Variants in PKDREJ observed in about 807,000 individuals in gnomAD.
The protein encoded by PKDREJ is polycystin family receptor for egg jelly.
For missense variants in PKDREJ, 2,507 were observed against 2,807.2 expected (o/e 0.89, Z 2.42); for synonymous variants, 1,031 against 1,095.5 (o/e 0.94, Z 1.16).
chr22:46,263,086 G>A lies in PKDREJ; in HGVS notation c.237C>T (p.Phe79=). Residue 79 remains phenylalanine (F), a synonymous_variant, in exon 1 of 1, where the codon TTC becomes TTT. Transcript: ENST00000253255. The surrounding 1 kb of genome is among the most constrained non-coding windows in gnomAD (Gnocchi z 9.4). ...AGCGCCGCCCGGTCCCGCCATGGGG[G>A]AAGCAGAGGCTGCCGCGGCCGCTCA... is the stretch of plus-strand genomic sequence containing the variant. The part of the protein sequence containing the change: ...AVLSGRGSLC[F]PHGGTGRRWY... The A allele has an allele frequency of 7.6e-7, 1 of 1,318,874 alleles. No individual in the cohort carries two copies. The highest frequency in any genetic ancestry group is 9.8e-7 in the Non-Finnish European group (1 of 1,024,058). 81.7% of individuals were successfully genotyped at this position (1,318,874 alleles called of 1,614,324 possible). A position where few individuals can be genotyped will look rare whatever the true frequency, so the allele number is the denominator to read the frequency against.
chr22:46,260,082 GAAC>G lies in PKDREJ; in HGVS notation c.3238_3240del (p.Val1080del). On this transcript the variant is annotated inframe_deletion, in exon 1 of 1. Coordinates refer to ENST00000253255, the MANE Select transcript of PKDREJ (RefSeq NM_006071.2). This position sits in a 1 kb window ranked among gnomAD's most constrained non-coding sequence, Gnocchi z 4.5. ...TTCATGACAAAACGAGGTGCCTGCA[GAAC>G]TATGGATACAGTACAGTGGGGAGAG... The G allele has an allele frequency of 6.2e-7, 1 of 1,614,064 alleles. No individual in the cohort carries two copies. Among genetic ancestry groups the G allele is most frequent in the East Asian group, 2.2e-5 (1 of 44,884 alleles).
Position 46,263,051 on chromosome 22 carries a change from A to T in PKDREJ, c.272T>A (p.Leu91His). The change falls in exon 1 of 1, where the codon CTC (leucine) becomes CAC (histidine). Residue 91 changes from leucine to histidine, a missense_variant. Transcript: ENST00000253255. This position sits in a 1 kb window ranked among gnomAD's most constrained non-coding sequence, Gnocchi z 9.4. ...HGGTGRRWYC[L>H]DLRVLLSAQR... is the part of the protein sequence containing the mutation. Reference sequence around the variant, plus strand: ...GGCGCTGAGCAGGACGCGCAAGTCGAGGCAGTACCAGCGCCGCCCGGTCCC... The same window carrying T: ...GGCGCTGAGCAGGACGCGCAAGTCGTGGCAGTACCAGCGCCGCCCGGTCCC... 2 of 1,335,548 alleles carry T rather than the reference A, an allele frequency of 1.5e-6. No individual in the cohort carries two copies. The highest frequency in any genetic ancestry group is 1.9e-6 in the Non-Finnish European group (2 of 1,032,492). The allele number at this position is 1,335,548 out of a possible 1,614,324, so 82.7% of individuals were successfully genotyped here.
rs552761319 is a variant in PKDREJ at position 46,260,423 on chromosome 22, G to T, written c.2900C>A (p.Thr967Lys). 1 of 1,614,166 alleles carries T rather than the reference G, an allele frequency of 6.2e-7. No individual in the cohort carries two copies. ...ATCAACCTCGCTGTTGGGTCCCACT[G>T]TGAGATTAAAAGCTGCAAAGGTCAA... Reference protein sequence around the residue: ...KNLTFAAFNLTVGPNSEVDGS... With the variant: ...KNLTFAAFNLKVGPNSEVDGS... Residue 967 changes from threonine (T) to lysine (K), a missense_variant, in exon 1 of 1, where the codon ACA becomes AAA. Thr to Lys is a moderately conservative substitution (Grantham distance 78). Transcript: ENST00000253255. The surrounding 1 kb of genome is among the most constrained non-coding windows in gnomAD (Gnocchi z 4.5).
In PKDREJ at chr22:46,262,062, C is replaced by G. The variant is rs752284311; in HGVS notation, c.1261G>C (p.Glu421Gln). ...ASGPVLTLLPETLKGDHVYFF... is the reference protein window; with the variant it reads ...ASGPVLTLLPQTLKGDHVYFF... ...TACACGTGGTCGCCTTTAAGTGTTT[C>G]TGGCAAAAGTGTCAGTACAGGGCCC... The change falls in exon 1 of 1, where the codon GAA (glutamate) becomes CAA (glutamine). Residue 421 changes from glutamate to glutamine, a missense_variant. By Grantham distance (29) the Glu-to-Gln change is conservative. Coordinates refer to ENST00000253255, the MANE Select transcript of PKDREJ (RefSeq NM_006071.2). This position sits in a 1 kb window ranked among gnomAD's most constrained non-coding sequence, Gnocchi z 8.1. The G allele has an allele frequency of 3.1e-6, 5 of 1,614,114 alleles. No homozygotes were observed. The highest frequency in any genetic ancestry group is 4.2e-6 in the Non-Finnish European group (5 of 1,180,030).
Position 46,261,173 on chromosome 22 carries a change from A to C in PKDREJ, c.2150T>G (p.Leu717Trp). 1 of 1,614,190 alleles carries C rather than the reference A, an allele frequency of 6.2e-7. No homozygotes were observed. The highest frequency in any genetic ancestry group is 8.5e-7 in the Non-Finnish European group (1 of 1,180,036). ...GYLLYIVASV[L>W]NNMKTELPLR... ...AGGTAATTCAGTTTTCATGTTATTC[A>C]AAACGGAAGCTACTATATACAGTAA... The change falls in exon 1 of 1, where the codon TTG becomes TGG. Residue 717 changes from leucine to tryptophan, a missense_variant. Leu to Trp is a moderately conservative substitution (Grantham distance 61, BLOSUM62 -2). Transcript: ENST00000253255. The surrounding 1 kb of genome is among the most constrained non-coding windows in gnomAD (Gnocchi z 7.1).
rs1243590347 is a variant in PKDREJ, at chr22:46,262,264, C to G, written c.1059G>C (p.Gln353His). Reference protein sequence around the residue: ...DANITANFTEQLILDGSTSSD... With the variant: ...DANITANFTEHLILDGSTSSD... ...AGGACGTGGACCCGTCCAGAATCAG[C>G]TGCTCTGTGAAATTAGCTGTTATGT... The change falls in exon 1 of 1, where the codon CAG becomes CAC. Residue 353 changes from glutamine to histidine, a missense_variant. By Grantham distance (24) the Gln-to-His change is conservative (BLOSUM62 0). Transcript: ENST00000253255. The surrounding 1 kb of genome is among the most constrained non-coding windows in gnomAD (Gnocchi z 8.1). 3.1e-6 allele frequency: 5 copies of G among 1,614,226 alleles called. No individual in the cohort carries two copies. The East Asian group carries it at 8.9e-5, about 29-fold the overall frequency.
Position 46,259,322 on chromosome 22 carries a change from G to C in PKDREJ, c.4001C>G (p.Ser1334Cys), listed in dbSNP as rs1362355223. 2 of 1,614,088 alleles carry C rather than the reference G, an allele frequency of 1.2e-6. No individual in the cohort carries two copies. The highest frequency in any genetic ancestry group is 1.7e-6 in the Non-Finnish European group (2 of 1,180,040). The change falls in exon 1 of 1, where the codon TCT (serine) becomes TGT (cysteine). Residue 1334 changes from serine (S) to cysteine (C), a missense_variant. Coordinates refer to ENST00000253255, the MANE Select transcript of PKDREJ (RefSeq NM_006071.2). This position sits in a 1 kb window ranked among gnomAD's most constrained non-coding sequence, Gnocchi z 6.8. ...IWLFICQKWLSVDTTLDRTFH... is the reference protein window; with the variant it reads ...IWLFICQKWLCVDTTLDRTFH... ...TGTTCTGTCCAAAGTGGTATCAACA[G>C]AAAGCCATTTCTGGCATATGAACAG...
Position 46,258,392 on chromosome 22 carries a change from C to T in PKDREJ, c.4931G>A (p.Cys1644Tyr), listed in dbSNP as rs1322807499. 6.2e-7 allele frequency: 1 copy of T among 1,614,060 alleles called. No individual in the cohort carries two copies. The highest frequency in any genetic ancestry group is 8.5e-7 in the Non-Finnish European group (1 of 1,180,022). ...SGFRTNKPKYCKNLSWSTKYK... is the reference protein window; with the variant it reads ...SGFRTNKPKYYKNLSWSTKYK... ...CTTGGTTGACCATGAAAGGTTTTTGCAATACTTGGGTTTATTCGTTCTGAA... is the reference window on the plus strand; with the variant it reads ...CTTGGTTGACCATGAAAGGTTTTTGTAATACTTGGGTTTATTCGTTCTGAA... Residue 1644 changes from cysteine (C) to tyrosine (Y), a missense_variant, in exon 1 of 1, where the codon TGC becomes TAC. Cys to Tyr is a radical substitution (Grantham distance 194). Transcript: ENST00000253255. This position sits in a 1 kb window ranked among gnomAD's most constrained non-coding sequence, Gnocchi z 6.1.
In PKDREJ at chr22:46,258,819, A is replaced by G. The variant is rs779600772; in HGVS notation, c.4504T>C (p.Ser1502Pro). Residue 1502 changes from serine to proline, a missense_variant, in exon 1 of 1, where the codon TCT (serine) becomes CCT (proline). Ser to Pro is a moderately conservative substitution (Grantham distance 74). Transcript: ENST00000253255. The surrounding 1 kb of genome is among the most constrained non-coding windows in gnomAD (Gnocchi z 6.1). ...TTTGGAAGCCTGGGCTTTCCTTTAG[A>G]TGCAGGTTTTGCAACCTCCCTGGGG... is the stretch of plus-strand genomic sequence containing the variant. ...VHPREVAKPA[S>P]KGKPRLPKAS... 6.2e-7 allele frequency: 1 copy of G among 1,614,140 alleles called. No homozygotes were observed. The highest frequency in any genetic ancestry group is 8.5e-7 in the Non-Finnish European group (1 of 1,180,022).
rs1456384922 is a variant in PKDREJ, at chr22:46,261,891, A to G, written c.1432T>C (p.Leu478=). The change falls in exon 1 of 1, where the codon TTG becomes CTG. Residue 478 remains leucine (L), a synonymous_variant. Transcript: ENST00000253255. The surrounding 1 kb of genome is among the most constrained non-coding windows in gnomAD (Gnocchi z 7.1). ...GCACAATTTGTGCAATTTAGGAACA[A>G]AGAAAATCTATCAGAGACAATGAAG... ...RNFIVSDRFS[L]FLNCTNCASR... The G allele has an allele frequency of 6.2e-7, 1 of 1,613,996 alleles. No individual in the cohort carries two copies. The highest frequency in any genetic ancestry group is 2.2e-5 in the East Asian group (1 of 44,896).
chr22:46,260,607 T>C lies in PKDREJ; in HGVS notation c.2716A>G (p.Met906Val), dbSNP rs763497852. ...GLSANGPIST[M>V]FCDFTNDLFP... ...AGGTCATTTGTGAAATCACAAAACA[T>C]TGTAGAAATGGGACCATTTGCAGAC... Residue 906 changes from methionine (M) to valine (V), a missense_variant, in exon 1 of 1, where the codon ATG becomes GTG. Physicochemically the swap from Met to Val is conservative, Grantham distance 21. Transcript: ENST00000253255. The surrounding 1 kb of genome is among the most constrained non-coding windows in gnomAD (Gnocchi z 4.5). 7 of 1,614,184 alleles carry C rather than the reference T, an allele frequency of 4.3e-6. No homozygotes were observed. The highest frequency in any genetic ancestry group is 2.2e-5 in the East Asian group (1 of 44,888).
Position 46,262,978 on chromosome 22 carries a change from C to A in PKDREJ, c.345G>T (p.Leu115=). The A allele has an allele frequency of 8.4e-7, 1 of 1,193,038 alleles. No individual in the cohort carries two copies. Among genetic ancestry groups the A allele is most frequent in the South Asian group, 2.4e-5 (1 of 42,126 alleles). 73.9% of individuals were successfully genotyped at this position (1,193,038 alleles called of 1,614,324 possible). A position where few individuals can be genotyped will look rare whatever the true frequency, so the allele number is the denominator to read the frequency against. ...GGCGGCCGCCGCGCGCGGAGAGCTG[C>A]AGGTCGACGAGCGCGAGCGCGGGCG... ...PAAPALALVD[L]QLSARGGRLS... is the part of the protein sequence containing the mutation. The change falls in exon 1 of 1, where the codon CTG becomes CTT. Residue 115 remains leucine (L), a synonymous_variant. Transcript: ENST00000253255. The surrounding 1 kb of genome is among the most constrained non-coding windows in gnomAD (Gnocchi z 8.1).
At position 46,257,171 on chromosome 22, in the gene PKDREJ, C is replaced by T. The variant is rs776058230; in HGVS notation, c.6152G>A (p.Arg2051Lys). The T allele has an allele frequency of 1.7e-5, 28 of 1,613,824 alleles. No homozygotes were observed. The highest frequency in any genetic ancestry group is 3.3e-5 in the Admixed American group (2 of 60,008). ...AAATAACAGGAAACCCAAAATTATC[C>T]TCATAATGTGATCTACCTGAGAAAC... ...HAVSQVDHIMRIILGFLLFLT... is the reference protein window; with the variant it reads ...HAVSQVDHIMKIILGFLLFLT... Residue 2051 changes from arginine (R) to lysine (K), a missense_variant, in exon 1 of 1, where the codon AGG becomes AAG. By Grantham distance (26) the Arg-to-Lys change is conservative. Transcript: ENST00000253255. The surrounding 1 kb of genome is among the most constrained non-coding windows in gnomAD (Gnocchi z 4.7).
chr22:46,257,068 G>T lies in PKDREJ; in HGVS notation c.6255C>A (p.Ala2085=), dbSNP rs1283395372. 6.2e-7 allele frequency: 1 copy of T among 1,613,922 alleles called. No individual in the cohort carries two copies. Among genetic ancestry groups the T allele is most frequent in the Admixed American group, 1.7e-5 (1 of 60,026 alleles). The change falls in exon 1 of 1, where the codon GCC becomes GCA. Residue 2085 remains alanine (A), a synonymous_variant. Coordinates refer to ENST00000253255, the MANE Select transcript of PKDREJ (RefSeq NM_006071.2). The surrounding 1 kb of genome is among the most constrained non-coding windows in gnomAD (Gnocchi z 4.7). The part of the protein sequence containing the change: ...VRLAQRAIQA[A]LPGICHMAFV... ...ATGCCATGTGGCAGATGCCAGGGAGGGCAGCCTGGATGGCCCTCTGAGCCA... is the reference window on the plus strand; with the variant it reads ...ATGCCATGTGGCAGATGCCAGGGAGTGCAGCCTGGATGGCCCTCTGAGCCA...
At position 46,258,205 on chromosome 22, in the gene PKDREJ, T is replaced by G; in HGVS notation, c.5118A>C (p.Arg1706Ser). ...IFKRKKRIKR[R>S]ALLFLSYILT... The stretch of plus-strand genomic sequence containing the variant: ...GAATGTAACTCAGAAACAGGAGTGC[T>G]CTTCTCTTGATCCTCTTCTTTCTTT... Residue 1706 changes from arginine (R) to serine (S), a missense_variant, in exon 1 of 1, where the codon AGA becomes AGC. Physicochemically the swap from Arg to Ser is moderately radical, Grantham distance 110. Transcript: ENST00000253255. The surrounding 1 kb of genome is among the most constrained non-coding windows in gnomAD (Gnocchi z 6.1). The G allele has an allele frequency of 1.9e-6, 3 of 1,614,178 alleles. No individual in the cohort carries two copies. The highest frequency in any genetic ancestry group is 2.5e-6 in the Non-Finnish European group (3 of 1,179,996).
rs773848126 is a variant in PKDREJ at position 46,257,467 on chromosome 22, A to G, written c.5856T>C (p.Phe1952=). The change falls in exon 1 of 1, where the codon TTT becomes TTC. Residue 1952 remains phenylalanine (F), a synonymous_variant. Coordinates refer to ENST00000253255, the MANE Select transcript of PKDREJ (RefSeq NM_006071.2). The surrounding 1 kb of genome is among the most constrained non-coding windows in gnomAD (Gnocchi z 4.7). ...CTTTTCTGTCAAAATCAGCAAGTGA[A>G]AAAGAGTGCAGAGATATGCTTGTGT... ...VVNTSISLHS[F]SLADFDRKAS... The G allele has an allele frequency of 1.9e-6, 3 of 1,613,988 alleles. No homozygotes were observed. The highest frequency in any genetic ancestry group is 4.5e-5 in the East Asian group (2 of 44,896).
rs954614083 is a variant in PKDREJ, at chr22:46,258,646, C to G, written c.4677G>C (p.Lys1559Asn). ...DVHSEQHPSQKDLQQLKKKPR... is the reference protein window; with the variant it reads ...DVHSEQHPSQNDLQQLKKKPR... ...GCTTTTTCTTAAGCTGCTGGAGATC[C>G]TTTTGGGAAGGGTGCTGTTCGGAAT... Residue 1559 changes from lysine to asparagine, a missense_variant, in exon 1 of 1, where the codon AAG becomes AAC. Transcript: ENST00000253255. The surrounding 1 kb of genome is among the most constrained non-coding windows in gnomAD (Gnocchi z 6.1). The G allele has an allele frequency of 6.2e-7, 1 of 1,614,054 alleles. No homozygotes were observed. Among genetic ancestry groups the G allele is most frequent in the Non-Finnish European group, 8.5e-7 (1 of 1,180,040 alleles).
Position 46,263,041 on chromosome 22 carries a change from G to A in PKDREJ, c.282C>T (p.Arg94=). ...GCAGGCGTTGGGCGCTGAGCAGGACGCGCAAGTCGAGGCAGTACCAGCGCC... is the reference window on the plus strand; with the variant it reads ...GCAGGCGTTGGGCGCTGAGCAGGACACGCAAGTCGAGGCAGTACCAGCGCC... ...TGRRWYCLDL[R]VLLSAQRLPW... is the part of the protein sequence containing the mutation. Residue 94 remains arginine, a synonymous_variant, in exon 1 of 1, where the codon CGC becomes CGT. Transcript: ENST00000253255. This position sits in a 1 kb window ranked among gnomAD's most constrained non-coding sequence, Gnocchi z 9.4. 1 of 1,328,252 alleles carries A rather than the reference G, an allele frequency of 7.5e-7. No individual in the cohort carries two copies. Among genetic ancestry groups the A allele is most frequent in the Non-Finnish European group, 9.7e-7 (1 of 1,028,868 alleles). 82.3% of individuals were successfully genotyped at this position (1,328,252 alleles called of 1,614,324 possible).
At position 46,262,837 on chromosome 22, in the gene PKDREJ, G is replaced by T; in HGVS notation, c.486C>A (p.Val162=). 1 of 1,225,708 alleles carries T rather than the reference G, an allele frequency of 8.2e-7. No individual in the cohort carries two copies. Among genetic ancestry groups the T allele is most frequent in the South Asian group, 4.1e-5 (1 of 24,252 alleles). The allele number at this position is 1,225,708 out of a possible 1,614,324, so 75.9% of individuals were successfully genotyped here. A position where few individuals can be genotyped will look rare whatever the true frequency, so the allele number is the denominator to read the frequency against. ...GGCCTGGCGCGGCGGAGCGCGGGGA[G>T]ACGCGGGCCGCGGGGGAGGCCGGGC... is the stretch of plus-strand genomic sequence containing the variant. ...AARPASPAAR[V]SPRSAAPGPR... is the part of the protein sequence containing the mutation. Residue 162 remains valine, a synonymous_variant, in exon 1 of 1, where the codon GTC becomes GTA. Transcript: ENST00000253255. The surrounding 1 kb of genome is among the most constrained non-coding windows in gnomAD (Gnocchi z 8.1).
Sources: gnomAD v4.1 joint callset for allele counts on GRCh38, gnomAD v4.1.1 for gene constraint, Gnocchi (gnomAD v3.1) non-coding constraint, MANE v1.5 for transcripts, NCBI Gene and HGNC (gene_info 2026-07-23, HGNC 2026-07-21) for gene names.